CENPF: variants seen among roughly 807,000 people sequenced by gnomAD.
CENPF encodes centromere protein F, also known as AH antigen.
Under a neutral mutation model 307.3 loss-of-function variants are expected in CENPF, and 214 were observed. That is an observed-to-expected ratio of 0.70 (90% CI 0.62 to 0.78). CENPF has a LOEUF of 0.78. CENPF is among the 30% of genes least tolerant of loss of function. The pLI is 0.00. For missense variants in CENPF, 3,401 were observed against 3,483.9 expected (o/e 0.98, Z 0.60); for synonymous variants, 1,259 against 1,270.6 (o/e 0.99, Z 0.19).
intron 18 of CENPF, among the ~76,000 whole-genome samples, chr1:214,658,009 A>G (rs1193499694): frequency 6.6e-6 from 1 of 152,290 alleles, no homozygotes; most frequent in Middle Eastern, 3.4e-3. Flanking sequence ...TGTTCTCATT[A>G]TATTATACAA....
At chr1:214,637,413 A>G (rs1657992149) in intron 10 of CENPF, among the ~76,000 whole-genome samples, 1 of 152,072 alleles carries the variant, frequency 6.6e-6, no homozygotes, top group Non-Finnish European at 1.5e-5. Context: ...TCATTCCTGT[A>G]ACAGCAAACC....
At position 214,618,621 on chromosome 1, in the gene CENPF, T is replaced by A. The variant is rs1197502174; in HGVS notation, c.408T>A (p.Asp136Glu). 6.2e-7 allele frequency: 1 copy of A among 1,614,040 alleles called. No individual in the cohort carries two copies. Among genetic ancestry groups the A allele is most frequent in the Admixed American group, 1.7e-5 (1 of 60,012 alleles). The change falls in exon 4 of 20, where the codon GAT becomes GAA. Residue 136 changes from aspartate (D) to glutamate (E), a missense_variant. By Grantham distance (45) the Asp-to-Glu change is conservative (BLOSUM62 2). Coordinates refer to ENST00000366955, the MANE Select transcript of CENPF (RefSeq NM_016343.4). ...GCCAACAAGCTGCGCAGTCTGCAGA[T>A]GTCTCTCTGAATCCATGCAATACAC... The part of the protein sequence containing the change: ...ERSQQAAQSA[D>E]VSLNPCNTPQ...
chr1:214,608,389 C>T, intron 1 of CENPF: 2 of 1,613,396 alleles, frequency 1.2e-6, no homozygotes, highest in African/African-American at 1.3e-5. Flanking sequence ...CGAGCTGGCA[C>T]CGTAGCCGGA....
chr1:214,631,689 G>A (rs1183005426), intron 9 of CENPF, among the ~76,000 whole-genome samples: 1 of 152,054 alleles, frequency 6.6e-6, no homozygotes, highest in African/African-American at 2.4e-5. Flanking sequence ...TAGTAGAGAC[G>A]AGGTTTCACC....
chr1:214,621,464 G>A lies in CENPF; in HGVS notation c.865+518G>A, dbSNP rs115527408. Reference sequence around the variant, plus strand: ...TTTTGGAATCTACTCTGTAGAAGATGATAATTTCCAGTGCTGTGATATATT... The same window carrying A: ...TTTTGGAATCTACTCTGTAGAAGATAATAATTTCCAGTGCTGTGATATATT... On this transcript the variant is annotated intron_variant, in intron 6 of 19. Transcript: ENST00000366955. Among the ~76,000 whole-genome samples, 500 of 152,322 alleles carry A rather than the reference G, an allele frequency of 3.3e-3. 5 individuals carry two copies. The highest frequency in any genetic ancestry group is 0.011 in the African/African-American group (454 of 41,560).
Position 214,663,577 on chromosome 1 carries a change from TG to T in CENPF, c.9142-13del. ...AATGTGATTGAACCTCTAACAGAGA[TG>T]TTTGTGTTGCAGGTCAAAGTTGCTC... On this transcript the variant is annotated splice_polypyrimidine_tract_variant and intron_variant, in intron 19 of 19. Transcript: ENST00000366955. 1 of 1,613,242 alleles carries T rather than the reference TG, an allele frequency of 6.2e-7. No individual in the cohort carries two copies. The highest frequency in any genetic ancestry group is 1.1e-5 in the South Asian group (1 of 90,976).
At chr1:214,652,351 A>G (rs1489673930) in intron 15 of CENPF, among the ~76,000 whole-genome samples, 1 of 151,674 alleles carries the variant, frequency 6.6e-6, no homozygotes, top group East Asian at 1.9e-4. Flanking sequence ...ATTTTTTAAA[A>G]AGGTATATTT....
chr1:214,648,674 G>C lies in CENPF; in HGVS notation c.7831-1G>C. 1 of 1,611,496 alleles carries C rather than the reference G, an allele frequency of 6.2e-7. No individual in the cohort carries two copies. Among genetic ancestry groups the C allele is most frequent in the Non-Finnish European group, 8.5e-7 (1 of 1,179,288 alleles). The stretch of plus-strand genomic sequence containing the variant: ...GATTCTAATGAAAGATGAAATTTCA[G>C]GTAAACAAAATGACTGCAAAGGAAA... On this transcript the variant is annotated splice_acceptor_variant, in intron 13 of 19. Transcript: ENST00000366955. LOFTEE classifies it high-confidence loss of function.
rs143325962 is a variant in CENPF, at chr1:214,645,141, C to A, written c.5571C>A (p.Leu1857=). The change falls in exon 13 of 20, where the codon CTC becomes CTA. Residue 1857 remains leucine (L), a synonymous_variant. Coordinates refer to ENST00000366955, the MANE Select transcript of CENPF (RefSeq NM_016343.4). ...TTTCTTGTGATCACCAGGAGTTACT[C>A]CAGAGAGTAGAAACTTCTGAAGGCC... ...EYFSCDHQEL[L]QRVETSEGLN... is the part of the protein sequence containing the mutation. 53 of 1,613,808 alleles carry A rather than the reference C, an allele frequency of 3.3e-5. No homozygotes were observed. The African/African-American group carries it at 5.6e-4, about 17-fold the overall frequency.
intron 2 of CENPF, 74 bp from the exon 3 acceptor site, chr1:214,614,758 A>G: frequency 1.0e-6 from 1 of 993,484 alleles, no homozygotes; most frequent in Non-Finnish European, 1.5e-6. Flanking sequence ...TCAATGTTAG[A>G]CTCAGGTTTA....
chr1:214,616,966 TTCCC>T lies in CENPF; in HGVS notation c.360-1588_360-1585del, dbSNP rs1260955318. Among the ~76,000 whole-genome samples, 230 of 123,010 alleles carry T rather than the reference TTCCC, an allele frequency of 1.9e-3. 2 individuals carry two copies. The highest frequency in any genetic ancestry group is 3.8e-3 in the Middle Eastern group (1 of 264). 80.7% of individuals were successfully genotyped at this position (123,010 alleles called of 152,430 possible). On this transcript the variant is annotated intron_variant, in intron 3 of 19. Coordinates refer to ENST00000366955, the MANE Select transcript of CENPF (RefSeq NM_016343.4). ...CTCCCTCCCTTCCTTCCTTCCCTCC[TTCCC>T]TCCCTCCCTCCCTCCCTCTCTCTCT...
chr1:214,613,098 G>C, intron 1 of CENPF: 1 of 301,252 alleles, frequency 3.3e-6, no homozygotes, highest in East Asian at 8.3e-5. Flanking sequence ...ATGGCTTTTT[G>C]GTCCACCACT....
In CENPF at chr1:214,645,475, A is replaced by G; in HGVS notation, c.5905A>G (p.Thr1969Ala). Residue 1969 changes from threonine (T) to alanine (A), a missense_variant, in exon 13 of 20, where the codon ACT (threonine) becomes GCT (alanine). Coordinates refer to ENST00000366955, the MANE Select transcript of CENPF (RefSeq NM_016343.4). ...AAACCAGCTTCGTGGAGAATTAGATACTATGTCAAAAAAAACCACGGCACT... is the reference window on the plus strand; with the variant it reads ...AAACCAGCTTCGTGGAGAATTAGATGCTATGTCAAAAAAAACCACGGCACT... Reference protein sequence around the residue: ...ERNQLRGELDTMSKKTTALDQ... With the variant: ...ERNQLRGELDAMSKKTTALDQ... The G allele has an allele frequency of 2.5e-6, 4 of 1,613,944 alleles. No individual in the cohort carries two copies. The highest frequency in any genetic ancestry group is 2.5e-6 in the Non-Finnish European group (3 of 1,179,990).
At chr1:214,643,407 C>A in intron 12 of CENPF, 83 bp downstream of exon 12, 2 of 1,170,728 alleles carry the variant, frequency 1.7e-6, no homozygotes, top group Non-Finnish European at 2.3e-6. Context: ...TTGAAATGTA[C>A]ATTAAACCTA....
intron 17 of CENPF, 83 bp downstream of exon 17, chr1:214,655,486 A>G: frequency 1.7e-6 from 2 of 1,166,344 alleles, no homozygotes; most frequent in Non-Finnish European, 2.3e-6. Flanking sequence ...CATAGGAACT[A>G]TTTTTAGTGC....
intron 8 of CENPF, among the ~76,000 whole-genome samples, chr1:214,630,098 CAT>C (rs1327179091): frequency 6.6e-6 from 1 of 152,150 alleles, no homozygotes; most frequent in Non-Finnish European, 1.5e-5. Flanking sequence ...TAATGGGTAG[CAT>C]ATATTTCCTG....
At chr1:214,650,741 A>G (rs2102572953) in intron 14 of CENPF, among the ~76,000 whole-genome samples, 1 of 152,176 alleles carries the variant, frequency 6.6e-6, no homozygotes, top group East Asian at 1.9e-4. Context: ...GTTTCTACAA[A>G]AAAACAGTAA....
rs771912526 is a variant in CENPF, at chr1:214,620,837, G to T, written c.756G>T (p.Val252=). ...CTTACTTTTCTGGGGAACAAGAGGT[G>T]ACTCCAAGTCGATCAACTTTGCAAA... ...SASYFSGEQE[V]TPSRSTLQIG... Residue 252 remains valine, a synonymous_variant, in exon 6 of 20, where the codon GTG becomes GTT. Coordinates refer to ENST00000366955, the MANE Select transcript of CENPF (RefSeq NM_016343.4). 3 of 1,614,200 alleles carry T rather than the reference G, an allele frequency of 1.9e-6. No homozygotes were observed. The South Asian group carries it at 3.3e-5, about 18-fold the overall frequency.
intron 11 of CENPF, 83 bp downstream of exon 11, chr1:214,638,084 A>G: frequency 7.4e-7 from 1 of 1,356,838 alleles, no homozygotes; most frequent in Non-Finnish European, 9.9e-7. Context: ...CATATTAGAG[A>G]AACTCTTTGG....
Sources: allele counts gnomAD v4.1 joint callset (sites outside exome capture counted in the v4.1 genomes callset), GRCh38; gene constraint gnomAD v4.1.1; transcripts MANE v1.5; gene names NCBI Gene and HGNC (gene_info 2026-07-23, HGNC 2026-07-21).